PHACTR1: variants seen among roughly 807,000 people sequenced by gnomAD.
PHACTR1 encodes phosphatase and actin regulator 1, also known as RPEL repeat containing 1.
A neutral mutation model predicts 69.2 loss-of-function variants in PHACTR1; 16 were observed. The ratio of observed to expected loss-of-function variants is 0.23; its 90% CI spans 0.16 to 0.35. PHACTR1 has a LOEUF of 0.35. PHACTR1 is among the 10% of genes least tolerant of loss of function. PHACTR1 has a pLI of 1.00. For synonymous variants in PHACTR1, 312 were observed against 284.5 expected (o/e 1.10, Z -0.97); for missense variants, 510 against 734.7 (o/e 0.69, Z 3.54).
intron 4 of PHACTR1, among the ~76,000 whole-genome samples, chr6:12,863,204 G>T (rs1781116407): frequency 3.9e-5 from 6 of 152,232 alleles, no homozygotes; most frequent in Admixed American, 2.0e-4. Flanking sequence ...CACAGACTGG[G>T]TAACTCAAAG....
chr6:12,913,237 G>T (rs1786602561), intron 4 of PHACTR1, among the ~76,000 whole-genome samples: 1 of 152,220 alleles, frequency 6.6e-6, no homozygotes, highest in Admixed American at 6.5e-5. Context: ...AGGTCATCAG[G>T]TGACTAGCCT....
chr6:12,960,965 A>G (rs1792642709), intron 4 of PHACTR1, among the ~76,000 whole-genome samples: 1 of 152,220 alleles, frequency 6.6e-6, no homozygotes, highest in African/African-American at 2.4e-5. Context: ...TAAAGTCCAA[A>G]GACAGTAGCA....
intron 5 of PHACTR1, among the ~76,000 whole-genome samples, chr6:13,073,624 G>A (rs116020439): frequency 0.011 from 1,692 of 151,700 alleles, 17 homozygotes; most frequent in Middle Eastern, 0.044. Flanking sequence ...TTACTGGCAT[G>A]AGCCACCACG....
chr6:12,835,558 T>C (rs1430170672), intron 4 of PHACTR1, among the ~76,000 whole-genome samples: 2 of 152,148 alleles, frequency 1.3e-5, no homozygotes, highest in Non-Finnish European at 2.9e-5. Context: ...TCAGGAGAAA[T>C]AAGTCTCCCT....
rs144318501 is a variant in PHACTR1, at chr6:13,004,790, G to T, written c.251-48575G>T. ...ATATGTCTGGCCTGCGTTCACTTCA[G>T]ATCTGGGCTTTGGCACATCTGTGCA... is the stretch of plus-strand genomic sequence containing the variant. On this transcript the variant is annotated intron_variant, in intron 4 of 14. Transcript: ENST00000332995. Among the ~76,000 whole-genome samples, 20 of 152,238 alleles carry T rather than the reference G, an allele frequency of 1.3e-4. No individual in the cohort carries two copies. The East Asian group carries it at 3.7e-3, about 28-fold the overall frequency.
intron 5 of PHACTR1, among the ~76,000 whole-genome samples, chr6:13,060,860 A>T (rs1807577539): frequency 6.6e-6 from 1 of 152,170 alleles, no homozygotes; most frequent in Non-Finnish European, 1.5e-5. Context: ...TTGCCAGATG[A>T]GTAGAAAGAA....
chr6:12,794,634 A>G (rs1270431264), intron 4 of PHACTR1, among the ~76,000 whole-genome samples: 1 of 152,240 alleles, frequency 6.6e-6, no homozygotes, highest in East Asian at 1.9e-4. Flanking sequence ...TAAAAACTTC[A>G]AGAAGTATTT....
intron 8 of PHACTR1, among the ~76,000 whole-genome samples, chr6:13,225,627 G>A (rs1413729717): frequency 6.6e-6 from 1 of 152,050 alleles, no homozygotes; most frequent in African/African-American, 2.4e-5. Flanking sequence ...TCAACTTGGA[G>A]CCTTCTACCT....
chr6:12,777,182 A>G (rs1286581419), intron 4 of PHACTR1, among the ~76,000 whole-genome samples: 1 of 151,804 alleles, frequency 6.6e-6, no homozygotes, highest in African/African-American at 2.4e-5. Flanking sequence ...CTGAAGAATT[A>G]TAGTGTAGAC....
At chr6:13,077,901 G>A (rs950268876) in intron 5 of PHACTR1, among the ~76,000 whole-genome samples, 1 of 152,130 alleles carries the variant, frequency 6.6e-6, no homozygotes, top group Non-Finnish European at 1.5e-5. Flanking sequence ...TAGCCTAGAG[G>A]TTCTGACCCT....
chr6:12,762,386 T>G (rs1400357726), intron 4 of PHACTR1, among the ~76,000 whole-genome samples: 1 of 152,250 alleles, frequency 6.6e-6, no homozygotes, highest in Non-Finnish European at 1.5e-5. Flanking sequence ...ATCCGTGATT[T>G]GTGATTCCAC....
chr6:12,926,878 G>A (rs1432325144), intron 4 of PHACTR1, among the ~76,000 whole-genome samples: 2 of 151,034 alleles, frequency 1.3e-5, no homozygotes, highest in Non-Finnish European at 2.9e-5. Context: ...CGCTGGTCCT[G>A]GTCCTGCCTG....
chr6:13,142,997 TAA>T (rs1822737368), intron 5 of PHACTR1, among the ~76,000 whole-genome samples: 1 of 152,292 alleles, frequency 6.6e-6, no homozygotes, highest in South Asian at 2.1e-4. Context: ...TGACTCTAGA[TAA>T]TATAAAAAGA....
intron 4 of PHACTR1, among the ~76,000 whole-genome samples, chr6:13,047,961 T>C (rs1007707766): frequency 6.6e-6 from 1 of 152,074 alleles, no homozygotes; most frequent in African/African-American, 2.4e-5. Context: ...GGGCTGGGGT[T>C]CAGAACACCA....
intron 4 of PHACTR1, among the ~76,000 whole-genome samples, chr6:12,924,139 C>G (rs1788007633): frequency 6.6e-6 from 1 of 152,084 alleles, no homozygotes; most frequent in South Asian, 2.1e-4. Flanking sequence ...AATATTTGCC[C>G]TTAAAGCTAA....
chr6:13,082,158 C>G (rs1811495022), intron 5 of PHACTR1, among the ~76,000 whole-genome samples: 1 of 152,122 alleles, frequency 6.6e-6, no homozygotes, highest in African/African-American at 2.4e-5. Flanking sequence ...CTCCTACTTC[C>G]ACTCATCGCG....
chr6:13,046,804 C>T (rs560303984), intron 4 of PHACTR1, among the ~76,000 whole-genome samples: 2 of 118,522 alleles, frequency 1.7e-5, no homozygotes, highest in African/African-American at 1.2e-4. Flanking sequence ...ACATGTTTTA[C>T]TCTTTAAAAA....
Position 13,206,318 on chromosome 6 carries a change from A to C in PHACTR1, c.986+182A>C, listed in dbSNP as rs562473695. Among the ~76,000 whole-genome samples the C allele has an allele frequency of 4.6e-5, 7 of 152,378 alleles. No individual in the cohort carries two copies. In the South Asian group the frequency reaches 1.4e-3, roughly 32 times the overall value. ...AGCATGGAAAAAAAAAATGTTGCCAATTGAAAAGCTCTGGAATAATCACAT... is the reference window on the plus strand; with the variant it reads ...AGCATGGAAAAAAAAAATGTTGCCACTTGAAAAGCTCTGGAATAATCACAT... On this transcript the variant is annotated intron_variant, in intron 8 of 14. Transcript: ENST00000332995.
At chr6:13,282,766 C>T (rs1780574821) in intron 12 of PHACTR1, among the ~76,000 whole-genome samples, 2 of 151,900 alleles carry the variant, frequency 1.3e-5, no homozygotes, top group South Asian at 4.1e-4. Flanking sequence ...CAAAATAAGA[C>T]AGAATCATTG....
Sources: gnomAD v4.1 joint callset for allele counts (sites outside exome capture counted in the v4.1 genomes callset) on GRCh38, gnomAD v4.1.1 for gene constraint, MANE v1.5 for transcripts, NCBI Gene and HGNC (gene_info 2026-07-23, HGNC 2026-07-21) for gene names.